MYO3A: variants seen among roughly 807,000 people sequenced by gnomAD.
The protein encoded by MYO3A is myosin IIIA, also known as myosin-IIIa.
MYO3A carries 180 observed loss-of-function variants against 192.7 expected under a neutral mutation model. The ratio of observed to expected loss-of-function variants is 0.93; its 90% CI spans 0.83 to 1.06. The LOEUF (loss-of-function observed/expected upper bound fraction) is 1.06, where lower values mean the gene tolerates loss of function less well. MYO3A is among the 50% of genes least tolerant of loss of function. MYO3A has a pLI of 0.00. For synonymous variants in MYO3A, 628 were observed against 645.3 expected (o/e 0.97, Z 0.41); for missense variants, 1,896 against 1,905.0 (o/e 1.00, Z 0.09).
chr10:26,026,587 C>A, intron 10 of MYO3A, 55 bp downstream of exon 10: 3 of 1,595,812 alleles, frequency 1.9e-6, no homozygotes, highest in Middle Eastern at 1.7e-4. Flanking sequence ...AGATTTTGAA[C>A]AGTTTAACAA....
At chr10:26,187,260 A>G (rs1365658600) in intron 31 of MYO3A, among the ~76,000 whole-genome samples, 2 of 152,198 alleles carry the variant, frequency 1.3e-5, no homozygotes, top group Non-Finnish European at 2.9e-5. Flanking sequence ...TTCACAGTGA[A>G]AAATAGTAAG....
At chr10:26,165,846 G>A in intron 26 of MYO3A, 1 of 605,338 alleles carries the variant, frequency 1.7e-6, no homozygotes, top group East Asian at 2.8e-5. Flanking sequence ...TGATCACAAA[G>A]GTGAAAACAC....
chr10:25,949,452 T>C (rs778177867), intron 2 of MYO3A, among the ~76,000 whole-genome samples: 3 of 152,166 alleles, frequency 2.0e-5, no homozygotes, highest in African/African-American at 4.8e-5. Flanking sequence ...GTTTATGTTA[T>C]AGAGATGGCA....
intron 9 of MYO3A, among the ~76,000 whole-genome samples, chr10:26,025,485 T>C (rs908533415): frequency 4.6e-5 from 7 of 152,134 alleles, no homozygotes; most frequent in Non-Finnish European, 1.0e-4. Flanking sequence ...GGCTGTCCAA[T>C]CTATACTTAA....
At chr10:26,053,953 T>C (rs1334890816) in intron 10 of MYO3A, among the ~76,000 whole-genome samples, 3 of 152,190 alleles carry the variant, frequency 2.0e-5, no homozygotes, top group Non-Finnish European at 4.4e-5. Context: ...AGAGAAGTAC[T>C]TTAGGCTTGT....
At chr10:26,088,141 T>A (rs1306124111) in intron 14 of MYO3A, 62 bp from the exon 15 acceptor site, 14 of 1,321,198 alleles carry the variant, frequency 1.1e-5, no homozygotes, top group Non-Finnish European at 2.1e-6. Context: ...AGAAGAGACA[T>A]TTCATTATAT....
chr10:26,166,243 A>G (rs773331384), intron 27 of MYO3A, 65 bp downstream of exon 27: 2 of 1,309,984 alleles, frequency 1.5e-6, no homozygotes, highest in Non-Finnish European at 2.2e-6. Context: ...GAATTGTAAC[A>G]TTTTACAATG....
chr10:26,160,676 A>G (rs181786490), intron 26 of MYO3A, among the ~76,000 whole-genome samples: 36 of 152,238 alleles, frequency 2.4e-4, no homozygotes, highest in Non-Finnish European at 4.6e-4. Context: ...AAATAAGAAG[A>G]AGGACTCAAA....
chr10:26,042,405 C>G (rs546858728), intron 10 of MYO3A, among the ~76,000 whole-genome samples: 10 of 152,212 alleles, frequency 6.6e-5, no homozygotes, highest in African/African-American at 1.7e-4. Context: ...CTTTCTACCC[C>G]TCTTTCTCTA....
intron 26 of MYO3A, among the ~76,000 whole-genome samples, chr10:26,160,372 G>A (rs1841422776): frequency 6.6e-6 from 1 of 152,218 alleles, no homozygotes; most frequent in Non-Finnish European, 1.5e-5. Flanking sequence ...CTCCAGGAAG[G>A]CTGATGAGAG....
chr10:26,141,381 A>G (rs1589026603), intron 20 of MYO3A, among the ~76,000 whole-genome samples: 1 of 152,284 alleles, frequency 6.6e-6, no homozygotes. Context: ...TGCTATAAGT[A>G]TTTTATAAAT....
At chr10:26,202,858 A>G (rs528455470) in intron 33 of MYO3A, 106 bp from the exon 34 acceptor site, 1 of 1,254,392 alleles carries the variant, frequency 8.0e-7, no homozygotes, top group African/African-American at 1.5e-5. Flanking sequence ...TGTGTATGTT[A>G]CTCTAAATTA....
At chr10:26,101,806 C>A (rs1185736547) in intron 17 of MYO3A, among the ~76,000 whole-genome samples, 2 of 152,168 alleles carry the variant, frequency 1.3e-5, no homozygotes, top group African/African-American at 2.4e-5. Context: ...GTAAGCCGAC[C>A]TTTCTCTCTG....
chr10:25,936,955 A>G (rs1251505271), intron 2 of MYO3A, among the ~76,000 whole-genome samples: 1 of 150,140 alleles, frequency 6.7e-6, no homozygotes, highest in African/African-American at 2.5e-5. Context: ...GACAATGTCG[A>G]TATGTTTATA....
intron 10 of MYO3A, among the ~76,000 whole-genome samples, chr10:26,058,055 C>A (rs995838006): frequency 1.3e-5 from 2 of 152,184 alleles, no homozygotes; most frequent in African/African-American, 4.8e-5. Context: ...TAGCTTTTGA[C>A]AAATGTATAA....
In MYO3A at chr10:26,176,070, G is replaced by A. The variant is rs200840576; in HGVS notation, c.4294-631G>A. On this transcript the variant is annotated intron_variant, in intron 30 of 34. Transcript: ENST00000642920. ...AGAACTTTGGTAGGCTGAGGCGGGC[G>A]GATCACGAGGTCAGGAGATCGAGAC... Among the ~76,000 whole-genome samples the A allele has an allele frequency of 1.6e-4, 24 of 152,250 alleles. No individual in the cohort carries two copies. In the East Asian group the frequency reaches 4.6e-3, roughly 29 times the overall value.
chr10:25,958,554 G>T (rs1342809204), intron 4 of MYO3A, among the ~76,000 whole-genome samples: 2 of 152,068 alleles, frequency 1.3e-5, no homozygotes, highest in African/African-American at 4.8e-5. Context: ...TTTTGCTTAG[G>T]ATTGCCTTGG....
At chr10:25,936,492 G>A (rs991103010) in intron 2 of MYO3A, among the ~76,000 whole-genome samples, 2 of 151,856 alleles carry the variant, frequency 1.3e-5, no homozygotes, top group African/African-American at 2.4e-5. Flanking sequence ...AGTTTTGTCC[G>A]GGAATTGATA....
At chr10:26,119,211 ACT>A (rs1229944851) in intron 17 of MYO3A, among the ~76,000 whole-genome samples, 1 of 151,468 alleles carries the variant, frequency 6.6e-6, no homozygotes. Flanking sequence ...TTTCCCAGGA[ACT>A]CTCCTCTTTA....
Sources: allele counts gnomAD v4.1 joint callset (sites outside exome capture counted in the v4.1 genomes callset), GRCh38; gene constraint gnomAD v4.1.1; transcripts MANE v1.5; gene names NCBI Gene and HGNC (gene_info 2026-07-23, HGNC 2026-07-21).